The following DIP2C variants were observed in gnomAD, a reference collection of about 807,000 sequenced individuals.
DIP2C encodes disco-interacting protein 2 homolog C.
A neutral mutation model predicts 192.4 loss-of-function variants in DIP2C; 33 were observed. The observed-to-expected ratio is 0.17, with a 90% CI of 0.13 to 0.23. The LOEUF (loss-of-function observed/expected upper bound fraction) is 0.23. DIP2C is among the 10% of genes least tolerant of loss of function. DIP2C has a pLI of 1.00. For missense variants in DIP2C, 1,537 were observed against 2,110.1 expected (o/e 0.73, Z 5.32); for synonymous variants, 979 against 864.1 (o/e 1.13, Z -2.33).
chr10:275,468 CACTT>C lies in DIP2C; in HGVS notation c.*1853_*1856del, dbSNP rs1564490821. 1 of 122,490 alleles carries C rather than the reference CACTT, an allele frequency of 8.2e-6. No individual in the cohort carries two copies. Among genetic ancestry groups the C allele is most frequent in the African/African-American group, 3.3e-5 (1 of 30,750 alleles). 7.6% of individuals were successfully genotyped at this position (122,490 alleles called of 1,614,324 possible). A position where few individuals can be genotyped will look rare whatever the true frequency, so the allele number is the denominator to read the frequency against. On this transcript the variant is annotated 3_prime_UTR_variant, in exon 37 of 37. Transcript: ENST00000280886. ...TGCAGACACATTTTTTTAAATGTGC[CACTT>C]TTTTTTTTTTTTTTTTTTTAACAAC...
intron 2 of DIP2C, among the ~76,000 whole-genome samples, chr10:477,711 GGA>G (rs1228920506): frequency 7.1e-5 from 10 of 140,584 alleles, no homozygotes; most frequent in Admixed American, 6.6e-4. Flanking sequence ...AAAGAATAAA[GGA>G]GAGAGAAGAA....
intron 13 of DIP2C, among the ~76,000 whole-genome samples, chr10:389,274 G>A (rs1443496137): frequency 6.6e-6 from 1 of 152,106 alleles, no homozygotes; most frequent in Non-Finnish European, 1.5e-5. Context: ...GGAGGTTTCA[G>A]GGGATATCAG....
intron 1 of DIP2C, among the ~76,000 whole-genome samples, chr10:585,198 T>C (rs909210893): frequency 1.3e-5 from 2 of 152,240 alleles, no homozygotes; most frequent in Non-Finnish European, 2.9e-5. Flanking sequence ...CCGACGTTTG[T>C]GTAGACACTT....
At chr10:557,067 G>A (rs1848918065) in intron 1 of DIP2C, among the ~76,000 whole-genome samples, 1 of 152,246 alleles carries the variant, frequency 6.6e-6, no homozygotes, top group South Asian at 2.1e-4. Flanking sequence ...GCTCAAAGCT[G>A]GTCAGTGTGG....
At chr10:571,811 G>A (rs1230164575) in intron 1 of DIP2C, among the ~76,000 whole-genome samples, 1 of 152,148 alleles carries the variant, frequency 6.6e-6, no homozygotes, top group Non-Finnish European at 1.5e-5. Flanking sequence ...AGGTATCCCA[G>A]CCAAGAGGCC....
intron 1 of DIP2C, among the ~76,000 whole-genome samples, chr10:591,863 C>A (rs1851422711): frequency 1.3e-5 from 2 of 152,210 alleles, no homozygotes; most frequent in Non-Finnish European, 2.9e-5. Flanking sequence ...TGCAGGCAGC[C>A]AGAGGGGAAG....
At chr10:353,776 G>A (rs1958936756) in intron 24 of DIP2C, among the ~76,000 whole-genome samples, 1 of 152,198 alleles carries the variant, frequency 6.6e-6, no homozygotes, top group Non-Finnish European at 1.5e-5. Flanking sequence ...GCAGCGGCTG[G>A]GGGGCTGGTG....
intron 1 of DIP2C, among the ~76,000 whole-genome samples, chr10:617,748 G>A (rs1416943544): frequency 6.8e-6 from 1 of 146,462 alleles, no homozygotes; most frequent in African/African-American, 2.6e-5. Flanking sequence ...CCTGCTCCTT[G>A]TTGCACGTAA....
intron 10 of DIP2C, among the ~76,000 whole-genome samples, chr10:396,349 C>G (rs562377553): frequency 6.6e-6 from 1 of 152,162 alleles, no homozygotes; most frequent in Non-Finnish European, 1.5e-5. Context: ...AGGAAAACCA[C>G]CTCCCCCCTT....
chr10:458,140 C>CA (rs1241522414), intron 3 of DIP2C, among the ~76,000 whole-genome samples: 1 of 152,242 alleles, frequency 6.6e-6, no homozygotes, highest in Admixed American at 6.5e-5. Context: ...TCCCACCAGA[C>CA]AGAGCCTGTC....
At chr10:617,575 T>G (rs1853554900) in intron 1 of DIP2C, among the ~76,000 whole-genome samples, 1 of 151,794 alleles carries the variant, frequency 6.6e-6, no homozygotes, top group African/African-American at 2.4e-5. Flanking sequence ...TCCACCCACC[T>G]CCCATTGCTC....
At chr10:579,587 A>C (rs1850448499) in intron 1 of DIP2C, among the ~76,000 whole-genome samples, 1 of 149,350 alleles carries the variant, frequency 6.7e-6, no homozygotes, top group Non-Finnish European at 1.5e-5. Context: ...GTACATGCAT[A>C]GAGCATACAC....
chr10:425,470 CTAA>C (rs1047721297), intron 4 of DIP2C, among the ~76,000 whole-genome samples: 5 of 141,594 alleles, frequency 3.5e-5, no homozygotes, highest in African/African-American at 1.3e-4. Flanking sequence ...CCAGTGGTGA[CTAA>C]TGTGAAATGG....
At position 651,595 on chromosome 10, in the gene DIP2C, G is replaced by A. The variant is rs995263711; in HGVS notation, c.85+37899C>T. On this transcript the variant is annotated intron_variant, in intron 1 of 36. Transcript: ENST00000280886. This position sits in a 1 kb window ranked among gnomAD's most constrained non-coding sequence, Gnocchi z 4.1. ...TTAAGCAGTATTTCCCCCAAAAGGT[G>A]CATCTTTTATAAAACAAGAACGCAA... The A allele has an allele frequency of 2.4e-5, 9 of 371,870 alleles. No individual in the cohort carries two copies. Among genetic ancestry groups the A allele is most frequent in the African/African-American group, 6.3e-5 (3 of 47,532 alleles). 23.0% of individuals were successfully genotyped at this position (371,870 alleles called of 1,614,324 possible).
At chr10:573,921 C>G (rs1849983475) in intron 1 of DIP2C, among the ~76,000 whole-genome samples, 1 of 151,750 alleles carries the variant, frequency 6.6e-6, no homozygotes, top group African/African-American at 2.4e-5. Context: ...GACACACCAC[C>G]ACATCACAGA....
chr10:486,575 G>T, intron 1 of DIP2C, 45 bp from the exon 2 acceptor site: 1 of 1,515,220 alleles, frequency 6.6e-7, no homozygotes, highest in South Asian at 1.3e-5. Context: ...TCCGTGGATA[G>T]AGCATTATCA....
At position 275,318 on chromosome 10, in the gene DIP2C, C is replaced by G. The variant is rs1207404543; in HGVS notation, c.*2007G>C. 2.0e-5 allele frequency: 3 copies of G among 152,178 alleles called. No homozygotes were observed. Among genetic ancestry groups the G allele is most frequent in the East Asian group, 1.9e-4 (1 of 5,168 alleles). 9.4% of individuals were successfully genotyped at this position (152,178 alleles called of 1,614,324 possible). ...TCCCCCCAATGTGTGGTGGTTCCCC[C>G]CTTAGGAAGCAGAGACTAGGAATGT... is the stretch of plus-strand genomic sequence containing the variant. On this transcript the variant is annotated 3_prime_UTR_variant, in exon 37 of 37. Transcript: ENST00000280886.
chr10:455,207 C>T (rs952744492), intron 3 of DIP2C, among the ~76,000 whole-genome samples: 6 of 152,230 alleles, frequency 3.9e-5, no homozygotes, highest in African/African-American at 1.2e-4. Context: ...GTTGCTTAAC[C>T]TATTTGCACC....
At chr10:290,419 G>T (rs550871496) in intron 32 of DIP2C, among the ~76,000 whole-genome samples, 1 of 152,212 alleles carries the variant, frequency 6.6e-6, no homozygotes, top group South Asian at 2.1e-4. Context: ...TAGAATTTGC[G>T]GTGCAACACA....
Sources: gnomAD v4.1 joint callset for allele counts (sites outside exome capture counted in the v4.1 genomes callset) on GRCh38, gnomAD v4.1.1 for gene constraint, Gnocchi (gnomAD v3.1) non-coding constraint, MANE v1.5 for transcripts, NCBI Gene and HGNC (gene_info 2026-07-23, HGNC 2026-07-21) for gene names.